Variants in TWF1 observed in about 807,000 individuals in gnomAD.
TWF1 encodes twinfilin actin binding protein 1.
A neutral mutation model predicts 47.9 loss-of-function variants in TWF1; 14 were observed. The observed-to-expected ratio is 0.29, with a 90% CI of 0.19 to 0.46. TWF1 has a LOEUF of 0.46. Ranked by LOEUF, TWF1 falls within the 20% of genes least tolerant of loss-of-function variation. The probability of loss-of-function intolerance (pLI) is 1.00; values close to 1 mark genes in which losing one functional copy is unlikely to be tolerated. For synonymous variants in TWF1, 96 were observed against 139.2 expected (o/e 0.69, Z 2.18); for missense variants, 281 against 409.3 (o/e 0.69, Z 2.70).
intron 8 of TWF1, among the ~76,000 whole-genome samples, 180 bp downstream of exon 8, chr12:43,796,796 A>C (rs1461306257): frequency 6.6e-6 from 1 of 152,120 alleles, no homozygotes; most frequent in African/African-American, 2.4e-5. Flanking sequence ...AAGTACAGAT[A>C]TATATAGAGA....
intron 6 of TWF1, 65 bp from the exon 7 acceptor site, chr12:43,797,517 A>C: frequency 7.1e-7 from 1 of 1,413,082 alleles, no homozygotes; most frequent in Non-Finnish European, 9.5e-7. Flanking sequence ...TAAAACATAT[A>C]ATAAAAAGAC....
chr12:43,797,078 A>G lies in TWF1; in HGVS notation c.780T>C (p.Pro260=). Residue 260 remains proline (P), a synonymous_variant, in exon 8 of 9, where the codon CCT becomes CCC. Transcript: ENST00000395510. ...GCTCTCTTATACTGCATGTGTATCC[A>G]GGCATTGAATAAATAAAAACTGTAA... ...LESIVFIYSM[P]GYTCSIRERM... is the part of the protein sequence containing the mutation. The G allele has an allele frequency of 6.3e-7, 1 of 1,599,824 alleles. No homozygotes were observed.
At chr12:43,805,840 G>C (rs768825944) in intron 1 of TWF1, 2 of 1,398,302 alleles carry the variant, frequency 1.4e-6, no homozygotes, top group South Asian at 1.1e-5. Context: ...CCTGGTTCTC[G>C]ACAGCGTACT....
At chr12:43,805,960 C>T (rs1323735669) in intron 1 of TWF1, 1 of 1,543,856 alleles carries the variant, frequency 6.5e-7, no homozygotes, top group African/African-American at 1.4e-5. Flanking sequence ...ACCAGGCCGC[C>T]TCGAAAGCCA....
intron 4 of TWF1, among the ~76,000 whole-genome samples, chr12:43,799,751 T>G (rs939795380): frequency 6.6e-6 from 1 of 152,110 alleles, no homozygotes; most frequent in African/African-American, 2.4e-5. Context: ...AGTTTCATAC[T>G]GGCAAAGTGA....
chr12:43,794,321 C>T lies in TWF1; in HGVS notation c.*1264G>A, dbSNP rs1387777408. The T allele has an allele frequency of 2.0e-5, 3 of 152,760 alleles. No individual in the cohort carries two copies. The East Asian group carries it at 5.8e-4, about 29-fold the overall frequency. The allele number at this position is 152,760 out of a possible 1,614,324, so 9.5% of individuals were successfully genotyped here. On this transcript the variant is annotated 3_prime_UTR_variant, in exon 9 of 9. Coordinates refer to ENST00000395510, the MANE Select transcript of TWF1 (RefSeq NM_002822.5). ...AAAAATCTGTCAACCCACAATTATT[C>T]TAATATGCTTTACTTACTCGAACAC...
intron 7 of TWF1, 58 bp downstream of exon 7, chr12:43,797,244 G>C (rs2138130242): frequency 1.3e-6 from 2 of 1,508,932 alleles, no homozygotes; most frequent in East Asian, 2.3e-5. Context: ...AAGAATATAG[G>C]GCTGATACAC....
rs1489799449 is a variant in TWF1 at position 43,795,234 on chromosome 12, C to T, written c.*351G>A. On this transcript the variant is annotated 3_prime_UTR_variant, in exon 9 of 9. Transcript: ENST00000395510. Reference sequence around the variant, plus strand: ...TTAAGTAATATGAATATTTTAAGGTCTTTCTGTCCCACAAGAAAGTAGTAA... The same window carrying T: ...TTAAGTAATATGAATATTTTAAGGTTTTTCTGTCCCACAAGAAAGTAGTAA... The T allele has an allele frequency of 1.1e-5, 2 of 176,686 alleles. No individual in the cohort carries two copies. Among genetic ancestry groups the T allele is most frequent in the African/African-American group, 4.8e-5 (2 of 42,082 alleles). 10.9% of individuals were successfully genotyped at this position (176,686 alleles called of 1,614,324 possible). A position where few individuals can be genotyped will look rare whatever the true frequency, so the allele number is the denominator to read the frequency against.
chr12:43,802,485 A>G, intron 2 of TWF1, 21 bp from the exon 3 acceptor site: 1 of 1,568,196 alleles, frequency 6.4e-7, no homozygotes, highest in Admixed American at 1.8e-5. Context: ...TTATTTTTAG[A>G]AAGATAGGTA....
At chr12:43,805,582 G>A (rs1942745996) in intron 1 of TWF1, 2 of 466,484 alleles carry the variant, frequency 4.3e-6, no homozygotes, top group South Asian at 1.5e-5. Context: ...ACTGCATATT[G>A]AACTGTCTGC....
intron 3 of TWF1, among the ~76,000 whole-genome samples, chr12:43,800,816 T>C (rs1325987809): frequency 3.9e-5 from 6 of 152,186 alleles, no homozygotes; most frequent in Admixed American, 3.9e-4. Context: ...AATGGCATGA[T>C]CTCAGCTCAC....
intron 3 of TWF1, 109 bp from the exon 4 acceptor site, chr12:43,800,639 A>C (rs988726808): frequency 2.5e-6 from 2 of 784,742 alleles, no homozygotes; most frequent in African/African-American, 3.5e-5. Context: ...AACAAAACTG[A>C]GCTGAAGTCC....
chr12:43,804,491 T>C lies in TWF1; in HGVS notation c.103+4A>G, dbSNP rs762925448. On this transcript the variant is annotated splice_donor_region_variant and intron_variant, in intron 2 of 8. Coordinates refer to ENST00000395510, the MANE Select transcript of TWF1 (RefSeq NM_002822.5). ...CAGAAAATATTTTAAAATATTTAAC[T>C]AACCATTTTCAATAGATATTTTCAG... 18 of 1,566,018 alleles carry C rather than the reference T, an allele frequency of 1.1e-5. No individual in the cohort carries two copies. The East Asian group carries it at 4.1e-4, about 35-fold the overall frequency.
intron 1 of TWF1, 153 bp downstream of exon 1, chr12:43,806,068 G>A (rs567745685): frequency 2.5e-5 from 38 of 1,517,940 alleles, no homozygotes; most frequent in South Asian, 4.8e-5. Context: ...CCGGGAAGCA[G>A]GAGCGCGGAG....
intron 8 of TWF1, 75 bp downstream of exon 8, chr12:43,796,901 C>T (rs1303975708): frequency 1.4e-5 from 19 of 1,394,934 alleles, no homozygotes; most frequent in Non-Finnish European, 1.7e-5. Flanking sequence ...TTATAAATCA[C>T]AGTACATCAT....
intron 5 of TWF1, chr12:43,798,639 AC>A: frequency 2.2e-6 from 3 of 1,393,016 alleles, no homozygotes; most frequent in Non-Finnish European, 2.9e-6. Context: ...AAAAAAAATC[AC>A]ATAAAAAGCC....
rs74619110 is a variant in TWF1 at position 43,799,080 on chromosome 12, G to C, written c.483+318C>G. 1.7e-3 allele frequency among the ~76,000 whole-genome samples: 257 copies of C among 152,084 alleles called. 1 individual carries two copies. Among genetic ancestry groups the C allele is most frequent in the Non-Finnish European group, 2.9e-3 (198 of 67,896 alleles). ...ATTAGATACATTCTTTGCACTAAAT[G>C]GGTAACACACACTTTTTCTCTATAT... On this transcript the variant is annotated intron_variant, in intron 5 of 8. Coordinates refer to ENST00000395510, the MANE Select transcript of TWF1 (RefSeq NM_002822.5).
In TWF1 at chr12:43,805,745, C is replaced by A; in HGVS notation, c.25+476G>T. 2.3e-6 allele frequency: 3 copies of A among 1,296,646 alleles called. No homozygotes were observed. The South Asian group carries it at 3.5e-5, about 15-fold the overall frequency. 80.3% of individuals were successfully genotyped at this position (1,296,646 alleles called of 1,614,324 possible). On this transcript the variant is annotated intron_variant, in intron 1 of 8. Coordinates refer to ENST00000395510, the MANE Select transcript of TWF1 (RefSeq NM_002822.5). The stretch of plus-strand genomic sequence containing the variant: ...GGGAGAGTTTTGGGAAGCACCCCTA[C>A]TGATGTGAGAAAGATTCTGGCATGG...
At position 43,795,837 on chromosome 12, in the gene TWF1, AAAT is replaced by A. The variant is rs1229399093; in HGVS notation, c.883-85_883-83del. ...GGTTTTCAGGTATATGAATGCTCAC[AAAT>A]AATACCCTTTCCAGTAAGGCAGAAT... On this transcript the variant is annotated intron_variant, in intron 8 of 8. Coordinates refer to ENST00000395510, the MANE Select transcript of TWF1 (RefSeq NM_002822.5). 8.7e-6 allele frequency: 12 copies of A among 1,372,440 alleles called. No individual in the cohort carries two copies. In the African/African-American group the frequency reaches 1.7e-4, roughly 20 times the overall value. 85.0% of individuals were successfully genotyped at this position (1,372,440 alleles called of 1,614,324 possible).
Sources: allele counts gnomAD v4.1 joint callset (sites outside exome capture counted in the v4.1 genomes callset), GRCh38; gene constraint gnomAD v4.1.1; transcripts MANE v1.5; gene names NCBI Gene and HGNC (gene_info 2026-07-23, HGNC 2026-07-21).